The following PHLPP2 variants were observed in gnomAD, a reference collection of about 807,000 sequenced individuals.
PHLPP2 encodes PH domain leucine-rich repeat-containing protein phosphatase 2.
Under a neutral mutation model 124.9 loss-of-function variants are expected in PHLPP2, and 66 were observed. The ratio of observed to expected loss-of-function variants is 0.53; its 90% CI spans 0.43 to 0.65. The LOEUF (loss-of-function observed/expected upper bound fraction) is 0.65, where lower values mean the gene tolerates loss of function less well. Ranked by LOEUF, PHLPP2 falls within the 30% of genes least tolerant of loss-of-function variation. The pLI, the probability that PHLPP2 is intolerant of heterozygous loss-of-function variation, is 0.00. For synonymous variants in PHLPP2, 681 were observed against 624.7 expected (o/e 1.09, Z -1.34); for missense variants, 1,685 against 1,600.4 (o/e 1.05, Z -0.90).
At chr16:71,698,351 G>A (rs1042122605) in intron 3 of PHLPP2, among the ~76,000 whole-genome samples, 2 of 152,136 alleles carry the variant, frequency 1.3e-5, no homozygotes, top group Non-Finnish European at 2.9e-5. Flanking sequence ...TAGAGATGTG[G>A]GATCTTCTGG....
At position 71,662,858 on chromosome 16, in the gene PHLPP2, TA is replaced by T. The variant is rs992958323; in HGVS notation, c.1985+1040del. 5.2e-4 allele frequency among the ~76,000 whole-genome samples: 64 copies of T among 123,376 alleles called. 1 individual carries two copies. Among genetic ancestry groups the T allele is most frequent in the African/African-American group, 1.8e-3 (61 of 33,102 alleles). 80.9% of individuals were successfully genotyped at this position (123,376 alleles called of 152,430 possible). A position where few individuals can be genotyped will look rare whatever the true frequency, so the allele number is the denominator to read the frequency against. On this transcript the variant is annotated intron_variant, in intron 13 of 18. Coordinates refer to ENST00000568954, the MANE Select transcript of PHLPP2 (RefSeq NM_015020.3). ...GCCAACGTAATGAGATCCCATCTCT[TA>T]AAAAAAAAGTTCTAAAGTTGTTTTT... is the stretch of plus-strand genomic sequence containing the variant.
In PHLPP2 at chr16:71,661,763, C is replaced by G. The variant is rs903806679; in HGVS notation, c.1985+2136G>C. ...GCTAAGGTGAGATGATCACTTGAGGCCAGGAGTTCAAGACCAGCCTGGACA... is the reference window on the plus strand; with the variant it reads ...GCTAAGGTGAGATGATCACTTGAGGGCAGGAGTTCAAGACCAGCCTGGACA... On this transcript the variant is annotated intron_variant, in intron 13 of 18. Transcript: ENST00000568954. Among the ~76,000 whole-genome samples, 24 of 152,072 alleles carry G rather than the reference C, an allele frequency of 1.6e-4. 1 individual carries two copies.
intron 6 of PHLPP2, among the ~76,000 whole-genome samples, chr16:71,681,487 G>A (rs935985032): frequency 1.3e-5 from 2 of 152,082 alleles, no homozygotes; most frequent in Admixed American, 6.6e-5. Flanking sequence ...GATGTAACTT[G>A]GCAGCAGATC....
At chr16:71,668,364 C>A (rs549085780) in intron 11 of PHLPP2, among the ~76,000 whole-genome samples, 2 of 141,804 alleles carry the variant, frequency 1.4e-5, no homozygotes, top group Non-Finnish European at 1.5e-5. Flanking sequence ...TGCAGTGAGC[C>A]GAGATCGCGC....
intron 16 of PHLPP2, 110 bp downstream of exon 16, chr16:71,656,461 G>A (rs1567612721): frequency 1.6e-6 from 1 of 644,356 alleles, no homozygotes. Context: ...TCTATGATTT[G>A]TCTGTGTACA....
At chr16:71,666,546 AAAAACAAAT>A (rs1321920025) in intron 12 of PHLPP2, among the ~76,000 whole-genome samples, 10 of 152,156 alleles carry the variant, frequency 6.6e-5, no homozygotes, top group African/African-American at 2.2e-4. Context: ...AAACCCCACA[AAAAACAAAT>A]AAACTCCACA....
In PHLPP2 at chr16:71,648,662, C is replaced by A; in HGVS notation, c.*228G>T. Reference sequence around the variant, plus strand: ...TGGCAGGTGCCTGTAATCCCAGCTACTCGGGAGGCTGAGACAGGAGAATGG... The same window carrying A: ...TGGCAGGTGCCTGTAATCCCAGCTAATCGGGAGGCTGAGACAGGAGAATGG... On this transcript the variant is annotated 3_prime_UTR_variant, in exon 19 of 19. Transcript: ENST00000568954. The A allele has an allele frequency of 3.9e-6, 2 of 512,080 alleles. No individual in the cohort carries two copies. The highest frequency in any genetic ancestry group is 6.9e-6 in the Non-Finnish European group (2 of 290,640). 31.7% of individuals were successfully genotyped at this position (512,080 alleles called of 1,614,324 possible).
intron 8 of PHLPP2, chr16:71,677,882 T>C (rs915549020): frequency 2.6e-5 from 4 of 152,166 alleles, no homozygotes; most frequent in African/African-American, 4.8e-5. Flanking sequence ...ACTACTAATA[T>C]ACATATAAAA....
chr16:71,655,455 C>T, intron 16 of PHLPP2, 21 bp from the exon 17 acceptor site: 2 of 1,552,312 alleles, frequency 1.3e-6, no homozygotes, highest in East Asian at 2.3e-5. Context: ...AACATGAAAA[C>T]AGAAAACAGA....
rs1567620227 is a variant in PHLPP2, at chr16:71,681,788, G to A, written c.853C>T (p.Gln285Ter). Residue 285 changes from glutamine to a stop codon, truncating the protein, a stop_gained, in exon 6 of 19, where the codon CAG (glutamine) becomes TAG (stop). Transcript: ENST00000568954. LOFTEE classifies it high-confidence loss of function. Reference sequence around the variant, plus strand: ...TCGAGGCCTCCGGGTCTTTCTAACTGCATGAAGTTGTGTCGCAAGTTGAGG... The same window carrying A: ...TCGAGGCCTCCGGGTCTTTCTAACTACATGAAGTTGTGTCGCAAGTTGAGG... ...TYLNLRHNFM[Q>*]LERPGGLDTL... The A allele has an allele frequency of 6.2e-7, 1 of 1,613,722 alleles. No homozygotes were observed. Among genetic ancestry groups the A allele is most frequent in the Non-Finnish European group, 8.5e-7 (1 of 1,179,776 alleles).
intron 3 of PHLPP2, 145 bp from the exon 4 acceptor site, chr16:71,690,854 T>C (rs2045104909): frequency 3.2e-6 from 2 of 627,834 alleles, no homozygotes; most frequent in East Asian, 5.6e-5. Flanking sequence ...CAAAATTAGA[T>C]CTAGTCCATC....
chr16:71,695,156 G>C (rs1203651168), intron 3 of PHLPP2, among the ~76,000 whole-genome samples: 1 of 152,114 alleles, frequency 6.6e-6, no homozygotes, highest in Non-Finnish European at 1.5e-5. Flanking sequence ...TATAGGCAAA[G>C]GGGTACTCTG....
At chr16:71,654,434 G>C (rs550561367) in intron 17 of PHLPP2, among the ~76,000 whole-genome samples, 1 of 152,112 alleles carries the variant, frequency 6.6e-6, no homozygotes, top group South Asian at 2.1e-4. Context: ...TATGCATTTA[G>C]TAGAAACTGT....
Position 71,652,819 on chromosome 16 carries a change from C to A in PHLPP2, c.2788G>T (p.Val930Leu). ...LEQDPEEAQRVKDQKAIITED... is the reference protein window; with the variant it reads ...LEQDPEEAQRLKDQKAIITED... Reference sequence around the variant, plus strand: ...GTGATGATGGCTTTTTGGTCCTTCACCCTTTGAGCCTCCTCTGGGTCCTGC... The same window carrying A: ...GTGATGATGGCTTTTTGGTCCTTCAACCTTTGAGCCTCCTCTGGGTCCTGC... The change falls in exon 18 of 19, where the codon GTG becomes TTG. Residue 930 changes from valine to leucine, a missense_variant. Physicochemically the swap from Val to Leu is conservative, Grantham distance 32. Coordinates refer to ENST00000568954, the MANE Select transcript of PHLPP2 (RefSeq NM_015020.3). 1 of 1,614,044 alleles carries A rather than the reference C, an allele frequency of 6.2e-7. No homozygotes were observed. The highest frequency in any genetic ancestry group is 8.5e-7 in the Non-Finnish European group (1 of 1,179,920).
chr16:71,708,110 G>A (rs1040727473), intron 2 of PHLPP2, among the ~76,000 whole-genome samples: 3 of 151,956 alleles, frequency 2.0e-5, no homozygotes, highest in East Asian at 1.9e-4. Context: ...GAGAAACATC[G>A]CCCATTATCT....
In PHLPP2 at chr16:71,649,051, C is replaced by A. The variant is rs1327361607; in HGVS notation, c.3811G>T (p.Ala1271Ser). 1 of 1,614,044 alleles carries A rather than the reference C, an allele frequency of 6.2e-7. No individual in the cohort carries two copies. The highest frequency in any genetic ancestry group is 1.3e-5 in the African/African-American group (1 of 74,906). Residue 1271 changes from alanine to serine, a missense_variant, in exon 19 of 19, where the codon GCC (alanine) becomes TCC (serine). Transcript: ENST00000568954. The stretch of plus-strand genomic sequence containing the variant: ...TCCTCTGGTTCCATCTGAGTGGGGG[C>A]AGCAAAATAGCCAGTTTTCCTCTTG... ...VPKRKTGYFA[A>S]PTQMEPEDQF...
rs1425120862 is a variant in PHLPP2, at chr16:71,647,717, TATC to T, written c.*1170_*1172del. ...ATTTCCCTGGGAAATACCTAGCAGG[TATC>T]ATATTTGTCAAGGGGTAATTCTCTT... On this transcript the variant is annotated 3_prime_UTR_variant, in exon 19 of 19. Transcript: ENST00000568954. 1 of 151,974 alleles carries T rather than the reference TATC, an allele frequency of 6.6e-6. No individual in the cohort carries two copies. The highest frequency in any genetic ancestry group is 1.5e-5 in the Non-Finnish European group (1 of 67,974). The allele number at this position is 151,974 out of a possible 1,614,324, so 9.4% of individuals were successfully genotyped here.
At chr16:71,701,291 TC>T in intron 3 of PHLPP2, among the ~76,000 whole-genome samples, 1 of 91,724 alleles carries the variant, frequency 1.1e-5, no homozygotes, top group East Asian at 2.9e-4. Context: ...TATCTATCTA[TC>T]TATCTATCTA....
At position 71,679,494 on chromosome 16, in the gene PHLPP2, A is replaced by G. The variant is rs1467694291; in HGVS notation, c.932T>C (p.Leu311Pro). The G allele has an allele frequency of 6.2e-7, 1 of 1,614,048 alleles. No homozygotes were observed. The highest frequency in any genetic ancestry group is 1.7e-5 in the Admixed American group (1 of 60,022). ...GCATAACAATATAGGAAACAACCCAAGTTTATTATGGGACAAGTTCAGGCC... is the reference window on the plus strand; with the variant it reads ...GCATAACAATATAGGAAACAACCCAGGTTTATTATGGGACAAGTTCAGGCC... Reference protein sequence around the residue: ...LKGLNLSHNKLGLFPILLCEI... With the variant: ...LKGLNLSHNKPGLFPILLCEI... The change falls in exon 7 of 19, where the codon CTT becomes CCT. Residue 311 changes from leucine to proline, a missense_variant. Coordinates refer to ENST00000568954, the MANE Select transcript of PHLPP2 (RefSeq NM_015020.3).
Sources: allele counts gnomAD v4.1 joint callset (sites outside exome capture counted in the v4.1 genomes callset), GRCh38; gene constraint gnomAD v4.1.1; transcripts MANE v1.5; gene names NCBI Gene and HGNC (gene_info 2026-07-23, HGNC 2026-07-21).